The following LDB3 variants were observed in gnomAD, a reference collection of about 807,000 sequenced individuals.
The protein encoded by LDB3 is LIM domain-binding protein 3.
LDB3 carries 49 observed loss-of-function variants against 69.0 expected under a neutral mutation model. The observed-to-expected ratio is 0.71, with a 90% CI of 0.56 to 0.90. The LOEUF (loss-of-function observed/expected upper bound fraction) is 0.90, where lower values mean the gene tolerates loss of function less well. Ranked by LOEUF, LDB3 falls within the 40% of genes least tolerant of loss-of-function variation. The pLI is 0.00. For synonymous variants in LDB3, 387 were observed against 396.2 expected, an observed-to-expected ratio of 0.98 and a Z score of 0.28; for missense variants, 928 against 974.1, an observed-to-expected ratio of 0.95 and a Z score of 0.63.
chr10:86,668,305 C>T, upstream of LDB3: 1 of 343,464 alleles, frequency 2.9e-6, no homozygotes, highest in East Asian at 6.9e-5. Flanking sequence ...GAGACCAGAG[C>T]ATTCTCACCA....
rs1846140970 is a variant in LDB3 at position 86,699,160 on chromosome 10, T to TA, written c.896+6590dup. On this transcript the variant is annotated intron_variant, in intron 7 of 13. Coordinates refer to ENST00000361373, the MANE Select transcript of LDB3 (RefSeq NM_007078.3). The surrounding 1 kb of genome is among the most constrained non-coding windows in gnomAD (Gnocchi z 4.9). ...CTCCCATGCCCTCTGCCCCACCTGT[T>TA]AGACAGGGGAATGGTGAACACATTC... is the stretch of plus-strand genomic sequence containing the variant. 2.4e-6 allele frequency: 3 copies of TA among 1,268,736 alleles called. No individual in the cohort carries two copies. The highest frequency in any genetic ancestry group is 2.4e-5 in the South Asian group (2 of 83,648). 78.6% of individuals were successfully genotyped at this position (1,268,736 alleles called of 1,614,324 possible).
chr10:86,694,336 A>T (rs1845909084), intron 7 of LDB3, among the ~76,000 whole-genome samples: 1 of 152,148 alleles, frequency 6.6e-6, no homozygotes, highest in South Asian at 2.1e-4. Flanking sequence ...TCCTTTCACC[A>T]GCGGCCTAAC....
intron 2 of LDB3, among the ~76,000 whole-genome samples, chr10:86,678,898 C>A (rs1253039651): frequency 6.6e-6 from 1 of 152,148 alleles, no homozygotes. Flanking sequence ...CCTCAGCCTC[C>A]CAAAGTGCTG....
At chr10:86,689,933 T>G (rs370997705) in intron 5 of LDB3, among the ~76,000 whole-genome samples, 5 of 152,336 alleles carry the variant, frequency 3.3e-5, no homozygotes, top group African/African-American at 7.2e-5. Flanking sequence ...CCTGCATATA[T>G]TCTCCCTGAG....
intron 10 of LDB3, among the ~76,000 whole-genome samples, chr10:86,717,527 T>A (rs1846921695): frequency 6.6e-6 from 1 of 152,228 alleles, no homozygotes; most frequent in African/African-American, 2.4e-5. Context: ...TGTGCCTCAA[T>A]TCCCCTATCT....
intron 12 of LDB3, among the ~76,000 whole-genome samples, 188 bp from the exon 13 acceptor site, chr10:86,725,949 C>G (rs946943670): frequency 1.1e-4 from 16 of 152,140 alleles, no homozygotes; most frequent in African/African-American, 3.9e-4. Flanking sequence ...TGGGTCTGAA[C>G]AACATCAATG....
chr10:86,692,242 C>T (rs757277676), intron 6 of LDB3, among the ~76,000 whole-genome samples, 177 bp downstream of exon 6: 2 of 152,236 alleles, frequency 1.3e-5, no homozygotes, highest in African/African-American at 2.4e-5. Flanking sequence ...GGCAGGCTGT[C>T]CGGTGACAGC....
intron 7 of LDB3, among the ~76,000 whole-genome samples, chr10:86,706,123 A>G (rs1439308878): frequency 6.6e-6 from 1 of 152,026 alleles, no homozygotes; most frequent in Non-Finnish European, 1.5e-5. Flanking sequence ...ATTCCTTCCC[A>G]AGGTAGCACA....
intron 5 of LDB3, among the ~76,000 whole-genome samples, chr10:86,689,564 G>A (rs536988700): frequency 1.8e-4 from 27 of 152,306 alleles, no homozygotes; most frequent in African/African-American, 5.8e-4. Flanking sequence ...TCTTCTTGCC[G>A]TGCTTTGGGG....
At chr10:86,708,816 A>G (rs569601422) in intron 8 of LDB3, among the ~76,000 whole-genome samples, 1 of 152,210 alleles carries the variant, frequency 6.6e-6, no homozygotes, top group Non-Finnish European at 1.5e-5. Context: ...TCCACTCAGA[A>G]GCTTGGTGGT....
At chr10:86,718,278 A>G (rs1846949922) in intron 11 of LDB3, 134 bp downstream of exon 11, 3 of 848,160 alleles carry the variant, frequency 3.5e-6, no homozygotes, top group Non-Finnish European at 3.9e-6. Flanking sequence ...CTAAAAGGGA[A>G]TTGGTTTGCC....
At position 86,699,824 on chromosome 10, in the gene LDB3, G is replaced by A. The variant is rs537660741; in HGVS notation, c.897-6707G>A. On this transcript the variant is annotated intron_variant, in intron 7 of 13. Coordinates refer to ENST00000361373, the MANE Select transcript of LDB3 (RefSeq NM_007078.3). This position sits in a 1 kb window ranked among gnomAD's most constrained non-coding sequence, Gnocchi z 4.9. ...TCTGGGGAAGAGGCTGATCCCTGGC[G>A]CTGCCCGGCTCCCTCGCTGCCCTCT... 1.0e-3 allele frequency: 1,068 copies of A among 1,026,638 alleles called. 1 individual carries two copies. Among genetic ancestry groups the A allele is most frequent in the Non-Finnish European group, 1.2e-3 (1,020 of 855,052 alleles). The allele number at this position is 1,026,638 out of a possible 1,614,324, so 63.6% of individuals were successfully genotyped here.
intron 7 of LDB3, among the ~76,000 whole-genome samples, chr10:86,702,021 T>C (rs952254416): frequency 9.9e-5 from 15 of 152,170 alleles, no homozygotes; most frequent in African/African-American, 2.9e-4. Context: ...GCATGGAGCA[T>C]TCCTGGGGCA....
intron 7 of LDB3, among the ~76,000 whole-genome samples, chr10:86,700,701 G>A (rs1026871411): frequency 6.6e-6 from 1 of 152,194 alleles, no homozygotes; most frequent in African/African-American, 2.4e-5. Context: ...AAGGGCAGCA[G>A]CAGCCAAAAA....
At chr10:86,688,089 G>GTGTGTGTGTGTGTA (rs1410039579) in intron 5 of LDB3, among the ~76,000 whole-genome samples, 5 of 131,030 alleles carry the variant, frequency 3.8e-5, no homozygotes, top group Admixed American at 2.3e-4. Flanking sequence ...GTGTGTATGT[G>GTGTGTGTGTGTGTA]TCTGTCTATC....
At chr10:86,727,760 A>G (rs1246929162) in intron 13 of LDB3, among the ~76,000 whole-genome samples, 2 of 151,698 alleles carry the variant, frequency 1.3e-5, no homozygotes, top group Admixed American at 6.6e-5. Flanking sequence ...CATTGTCACA[A>G]GCCTGTCTCC....
intron 5 of LDB3, among the ~76,000 whole-genome samples, chr10:86,688,821 C>T (rs1845624732): frequency 6.6e-6 from 1 of 152,168 alleles, no homozygotes; most frequent in Admixed American, 6.5e-5. Flanking sequence ...CTGTTTTCTG[C>T]ACGTTGGGAA....
chr10:86,715,317 G>A (rs1846826621), intron 9 of LDB3, among the ~76,000 whole-genome samples: 1 of 152,156 alleles, frequency 6.6e-6, no homozygotes, highest in Non-Finnish European at 1.5e-5. Flanking sequence ...AGACTGAAAT[G>A]TGGTGAGGCT....
rs56047232 is a variant in LDB3, at chr10:86,696,704, G to C, written c.896+4133G>C. ...CCCCTGTGTCCTCGGTAGTGTCTAC[G>C]GGATGGTCAGGACTGTTTGTAGTGC... On this transcript the variant is annotated intron_variant, in intron 7 of 13. Transcript: ENST00000361373. Among the ~76,000 whole-genome samples, 20 of 152,244 alleles carry C rather than the reference G, an allele frequency of 1.3e-4. No homozygotes were observed. The East Asian group carries it at 3.7e-3, about 28-fold the overall frequency.
Sources: gnomAD v4.1 joint callset for allele counts (sites outside exome capture counted in the v4.1 genomes callset) on GRCh38, gnomAD v4.1.1 for gene constraint, Gnocchi (gnomAD v3.1) non-coding constraint, MANE v1.5 for transcripts, NCBI Gene and HGNC (gene_info 2026-07-23, HGNC 2026-07-21) for gene names.